Variants in CASD1 observed in about 807,000 individuals in gnomAD.
The protein encoded by CASD1 is N-acetylneuraminate (7)9-O-acetyltransferase.
CASD1 carries 41 observed loss-of-function variants against 100.0 expected under a neutral mutation model. The observed-to-expected ratio is 0.41, with a 90% CI of 0.32 to 0.53. The LOEUF (loss-of-function observed/expected upper bound fraction) is 0.53, where lower values mean the gene tolerates loss of function less well. Among genes scored for constraint, CASD1 ranks in the 20% least tolerant of loss-of-function variants. The probability of loss-of-function intolerance (pLI) is 0.25; values close to 1 mark genes in which losing one functional copy is unlikely to be tolerated. For synonymous variants in CASD1, 321 were observed against 315.6 expected, an observed-to-expected ratio of 1.02 and a Z score of -0.18; for missense variants, 774 against 948.7, an observed-to-expected ratio of 0.82 and a Z score of 2.42.
the CASD1 span, among the ~76,000 whole-genome samples, chr7:94,586,062 A>G: frequency 2.3e-4 from 6 of 26,078 alleles, no homozygotes; most frequent in Non-Finnish European, 3.8e-4. Flanking sequence ...GAACTAAATG[A>G]AAAAAAAAAA....
intron 3 of CASD1, among the ~76,000 whole-genome samples, chr7:94,525,500 T>C (rs1189711142): frequency 6.6e-6 from 1 of 152,176 alleles, no homozygotes; most frequent in Non-Finnish European, 1.5e-5. Flanking sequence ...GTGATTTTCA[T>C]ATATGTGACT....
chr7:94,581,568 C>T, the CASD1 span, among the ~76,000 whole-genome samples: 1 of 152,040 alleles, frequency 6.6e-6, no homozygotes, highest in Non-Finnish European at 1.5e-5. Flanking sequence ...TGTGTTGTTA[C>T]CCCCCATGTG....
intron 1 of CASD1, among the ~76,000 whole-genome samples, chr7:94,516,495 A>G (rs147719374): frequency 0.012 from 1,832 of 152,028 alleles, 32 homozygotes; most frequent in African/African-American, 0.042. Context: ...TTCCTCCCAG[A>G]CTCCTTAGCC....
chr7:94,625,509 C>T, the CASD1 span: 1 of 152,016 alleles, frequency 6.6e-6, no homozygotes, highest in African/African-American at 2.4e-5. Flanking sequence ...TACCTCTCCC[C>T]AACCAGAAGT....
At chr7:94,618,609 G>GA in the CASD1 span, 1 of 649,746 alleles carries the variant, frequency 1.5e-6, no homozygotes, top group Non-Finnish European at 2.6e-6. Flanking sequence ...TGCCAATATA[G>GA]AAAATTACTA....
chr7:94,614,258 G>A, the CASD1 span, among the ~76,000 whole-genome samples: 10 of 152,042 alleles, frequency 6.6e-5, 1 homozygote, highest in Admixed American at 5.9e-4. Flanking sequence ...TCTTGTTCAT[G>A]TATCCTCTGG....
chr7:94,518,200 C>A lies in CASD1; in HGVS notation c.231-3C>A. 1 of 1,496,368 alleles carries A rather than the reference C, an allele frequency of 6.7e-7. No individual in the cohort carries two copies. Among genetic ancestry groups the A allele is most frequent in the South Asian group, 1.4e-5 (1 of 70,496 alleles). The allele number at this position is 1,496,368 out of a possible 1,614,324, so 92.7% of individuals were successfully genotyped here. ...TTAATTAATTTTTCTTTGTTGCTTT[C>A]AGTGAAGCAAAGAACTGCCTTGTAG... On this transcript the variant is annotated splice_polypyrimidine_tract_variant and splice_region_variant and intron_variant, in intron 2 of 17. Coordinates refer to ENST00000297273, the MANE Select transcript of CASD1 (RefSeq NM_022900.5).
At chr7:94,586,560 C>G in the CASD1 span, 2 of 152,132 alleles carry the variant, frequency 1.3e-5, no homozygotes, top group East Asian at 1.9e-4. Context: ...AGTACAATGG[C>G]GTGATCTTGG....
chr7:94,609,895 AGCCT>A, the CASD1 span, among the ~76,000 whole-genome samples: 1 of 152,182 alleles, frequency 6.6e-6, no homozygotes. Flanking sequence ...TCCACACAAA[AGCCT>A]GCACATGGAT....
chr7:94,586,060 T>TAAAAAA, the CASD1 span, among the ~76,000 whole-genome samples: 1 of 5,940 alleles, frequency 1.7e-4, no homozygotes, highest in Non-Finnish European at 3.7e-4. Context: ...AGGAACTAAA[T>TAAAAAA]GAAAAAAAAA....
At chr7:94,570,273 G>C in the CASD1 span, among the ~76,000 whole-genome samples, 1 of 151,922 alleles carries the variant, frequency 6.6e-6, no homozygotes, top group African/African-American at 2.4e-5. Flanking sequence ...TGTAGTGAAA[G>C]GTTTTGATTC....
At chr7:94,554,792 C>T (rs116778277) in intron 17 of CASD1, among the ~76,000 whole-genome samples, 1 of 152,020 alleles carries the variant, frequency 6.6e-6, no homozygotes, top group East Asian at 1.9e-4. Context: ...TTTTAAATGA[C>T]TAGATATAGA....
the CASD1 span, chr7:94,619,552 T>C: frequency 2.0e-5 from 3 of 152,304 alleles, no homozygotes; most frequent in East Asian, 5.8e-4. Flanking sequence ...TATGAGAAAC[T>C]GTAAGTAAAT....
the CASD1 span, chr7:94,626,389 T>C: frequency 6.6e-6 from 1 of 152,118 alleles, no homozygotes; most frequent in African/African-American, 2.4e-5. Context: ...AATATAATTG[T>C]TTAAAAATTT....
At chr7:94,547,456 C>T (rs1795734764) in intron 13 of CASD1, among the ~76,000 whole-genome samples, 1 of 151,846 alleles carries the variant, frequency 6.6e-6, no homozygotes, top group Non-Finnish European at 1.5e-5. Context: ...TTGAATGCTT[C>T]TTATAAGACA....
At chr7:94,517,854 G>A (rs1044316783) in intron 2 of CASD1, among the ~76,000 whole-genome samples, 198 bp downstream of exon 2, 2 of 152,158 alleles carry the variant, frequency 1.3e-5, no homozygotes, top group Non-Finnish European at 2.9e-5. Context: ...CTTTATCTCA[G>A]GTGTGTGATA....
In CASD1 at chr7:94,528,178, T is replaced by C. The variant is rs1277325702; in HGVS notation, c.397-10T>C. ...CAACTTTTTCTTTACTTCTAACATT[T>C]CTCTTTTAGGATTTTCTGTGGCATC... On this transcript the variant is annotated splice_polypyrimidine_tract_variant and intron_variant, in intron 4 of 17. Coordinates refer to ENST00000297273, the MANE Select transcript of CASD1 (RefSeq NM_022900.5). The C allele has an allele frequency of 3.1e-6, 5 of 1,590,422 alleles. No individual in the cohort carries two copies. The East Asian group carries it at 9.0e-5, about 28-fold the overall frequency.
intron 16 of CASD1, chr7:94,553,850 A>C (rs1346757254): frequency 6.6e-6 from 1 of 151,970 alleles, no homozygotes; most frequent in Non-Finnish European, 1.5e-5. Context: ...ACCGAAAATG[A>C]AAGATTGTTC....
At chr7:94,562,817 A>G in the CASD1 span, among the ~76,000 whole-genome samples, 1 of 152,178 alleles carries the variant, frequency 6.6e-6, no homozygotes, top group South Asian at 2.1e-4. Flanking sequence ...TCTTACTGCC[A>G]TGTCAACATG....
Sources: allele counts gnomAD v4.1 joint callset (sites outside exome capture counted in the v4.1 genomes callset), GRCh38; gene constraint gnomAD v4.1.1; transcripts MANE v1.5; gene names NCBI Gene and HGNC (gene_info 2026-07-23, HGNC 2026-07-21).